RBFOX1: variants seen among roughly 807,000 people sequenced by gnomAD.
The protein encoded by RBFOX1 is RNA binding fox-1 homolog 1.
RBFOX1 carries 8 observed loss-of-function variants against 57.7 expected under a neutral mutation model. That is an observed-to-expected ratio of 0.14 (90% confidence interval 0.08 to 0.25). The LOEUF (loss-of-function observed/expected upper bound fraction) is 0.25, where lower values mean the gene tolerates loss of function less well. RBFOX1 is among the 10% of genes least tolerant of loss of function. The probability of loss-of-function intolerance (pLI) is 1.00; values close to 1 mark genes in which losing one functional copy is unlikely to be tolerated. For missense variants in RBFOX1, 611 were observed against 548.5 expected (o/e 1.11, Z -1.14); for synonymous variants, 326 against 222.4 (o/e 1.47, Z -4.15).
chr16:5,902,004 A>T (rs1340553375), intron 4 of RBFOX1, among the ~76,000 whole-genome samples: 1 of 152,080 alleles, frequency 6.6e-6, no homozygotes, highest in Non-Finnish European at 1.5e-5. Flanking sequence ...GTAACTTCCC[A>T]TTATTACTCA....
At chr16:6,060,398 C>T (rs965925635) in intron 1 of RBFOX1, among the ~76,000 whole-genome samples, 3 of 152,062 alleles carry the variant, frequency 2.0e-5, no homozygotes, top group African/African-American at 7.2e-5. Context: ...GCCTAGCACA[C>T]AGTAAATGTT....
At chr16:5,957,753 A>G (rs74006521) in intron 4 of RBFOX1, among the ~76,000 whole-genome samples, 2,133 of 152,312 alleles carry the variant, frequency 0.014, 43 homozygotes, top group African/African-American at 0.048. Context: ...GCAATGTACC[A>G]CAGTCACATC....
intron 2 of RBFOX1, among the ~76,000 whole-genome samples, chr16:6,377,370 T>C (rs142288040): frequency 6.6e-5 from 10 of 152,212 alleles, no homozygotes; most frequent in African/African-American, 1.7e-4. Context: ...ATTACATCTA[T>C]AAAGACCCTA....
chr16:5,439,410 G>T (rs909573334), intron 1 of RBFOX1, among the ~76,000 whole-genome samples: 1 of 152,098 alleles, frequency 6.6e-6, no homozygotes, highest in African/African-American at 2.4e-5. Context: ...GGTAGAAAAC[G>T]CATCATGGGG....
intron 5 of RBFOX1, among the ~76,000 whole-genome samples, chr16:7,546,027 A>AAG (rs201712195): frequency 0.13 from 19,462 of 150,480 alleles, 1,342 homozygotes; most frequent in African/African-American, 0.18. Flanking sequence ...AAAAAAAAAA[A>AAG]AAAGAAAAAG....
At chr16:5,329,622 G>A (rs1168154692) in intron 1 of RBFOX1, among the ~76,000 whole-genome samples, 1 of 152,202 alleles carries the variant, frequency 6.6e-6, no homozygotes, top group African/African-American at 2.4e-5. Flanking sequence ...TGTTTGGACT[G>A]TTATAACAAA....
At chr16:6,955,061 T>C (rs1250511335) in intron 3 of RBFOX1, among the ~76,000 whole-genome samples, 1 of 125,086 alleles carries the variant, frequency 8.0e-6, no homozygotes, top group Non-Finnish European at 1.7e-5. Context: ...GGAAACCCCA[T>C]CTCTACAAAA....
chr16:5,926,253 T>G (rs2058938423), intron 4 of RBFOX1, among the ~76,000 whole-genome samples: 1 of 152,214 alleles, frequency 6.6e-6, no homozygotes, highest in Admixed American at 6.5e-5. Context: ...CAGGTCTATC[T>G]GAGTCTCCTG....
intron 3 of RBFOX1, among the ~76,000 whole-genome samples, chr16:6,950,253 C>A (rs566199029): frequency 6.6e-6 from 1 of 151,884 alleles, no homozygotes; most frequent in Non-Finnish European, 1.5e-5. Flanking sequence ...CCACCATGTC[C>A]GGCCAGCACA....
intron 1 of RBFOX1, among the ~76,000 whole-genome samples, chr16:5,314,443 G>T (rs775989346): frequency 1.3e-5 from 2 of 152,222 alleles, no homozygotes; most frequent in African/African-American, 4.8e-5. Context: ...AGGGCTGACC[G>T]CTTCACTAGG....
chr16:7,452,529 A>C (rs1018078525), intron 4 of RBFOX1, among the ~76,000 whole-genome samples: 1 of 152,302 alleles, frequency 6.6e-6, no homozygotes. Flanking sequence ...AAAATAAATA[A>C]ATGATCAATG....
chr16:7,532,993 C>G (rs1157698198), intron 5 of RBFOX1, among the ~76,000 whole-genome samples: 1 of 152,188 alleles, frequency 6.6e-6, no homozygotes, highest in Non-Finnish European at 1.5e-5. Flanking sequence ...GAAGTTTTCA[C>G]AAAATAAGCT....
rs3029164 is a variant in RBFOX1, at chr16:7,589,912, G to GGTGTGTGTGTGTGTGTGTGT, written c.468+2633_468+2652dup. Among the ~76,000 whole-genome samples the GGTGTGTGTGTGTGTGTGTGT allele has an allele frequency of 2.2e-3, 295 of 135,042 alleles. 4 individuals are homozygous for GGTGTGTGTGTGTGTGTGTGT. The highest frequency in any genetic ancestry group is 3.2e-3 in the African/African-American group (117 of 36,568). 88.6% of individuals were successfully genotyped at this position (135,042 alleles called of 152,430 possible). ...TCAATGCTGAAGGCTGTGTGTGCTG[G>GGTGTGTGTGTGTGTGTGTGT]GTGTGTGTGTGTGTGTGTGTGTGTG... On this transcript the variant is annotated intron_variant, in intron 7 of 15. Transcript: ENST00000550418.
chr16:6,956,235 A>C (rs1262605394), intron 3 of RBFOX1, among the ~76,000 whole-genome samples: 2 of 152,174 alleles, frequency 1.3e-5, no homozygotes, highest in Non-Finnish European at 2.9e-5. Context: ...GCAGAGGAGA[A>C]GGACTTTGCT....
chr16:7,129,285 A>G (rs1006507497), intron 4 of RBFOX1, among the ~76,000 whole-genome samples: 1 of 152,128 alleles, frequency 6.6e-6, no homozygotes, highest in African/African-American at 2.4e-5. Context: ...TTGGCCAGGA[A>G]AACAAAGTGT....
rs140249212 is a variant in RBFOX1 at position 5,834,776 on chromosome 16, T to TGATAGATA, written c.319-32488_319-32481dup. Among the ~76,000 whole-genome samples, 430 of 147,772 alleles carry TGATAGATA rather than the reference T, an allele frequency of 2.9e-3. 1 individual carries two copies. Among genetic ancestry groups the TGATAGATA allele is most frequent in the Middle Eastern group, 0.01 (3 of 292 alleles). On this transcript the variant is annotated intron_variant, in intron 3 of 19. Coordinates refer to the RBFOX1 transcript ENST00000641259. Reference sequence around the variant, plus strand: ...ATACATACATACATACATGCACAGATGATAGATAGATAGATAGATAGATAG... The same window carrying TGATAGATA: ...ATACATACATACATACATGCACAGATGATAGATAGATAGATAGATAGATAGATAGATAG...
chr16:6,062,621 T>TATAATATATAACATAACATATA (rs6145734), intron 1 of RBFOX1, among the ~76,000 whole-genome samples: 1 of 147,712 alleles, frequency 6.8e-6, no homozygotes, highest in African/African-American at 2.5e-5. Context: ...AATATATAAA[T>TATAATATATAACATAACATATA]ATATATAACA....
chr16:7,104,214 C>G (rs1387412228), intron 4 of RBFOX1, among the ~76,000 whole-genome samples: 3 of 152,120 alleles, frequency 2.0e-5, no homozygotes, highest in East Asian at 1.9e-4. Flanking sequence ...CTGTCTGGAA[C>G]TACTGAAAAC....
At chr16:6,320,069 T>C (rs1408517093) in intron 2 of RBFOX1, among the ~76,000 whole-genome samples, 2 of 152,104 alleles carry the variant, frequency 1.3e-5, no homozygotes, top group Non-Finnish European at 2.9e-5. Flanking sequence ...CTTAATATAA[T>C]TGGCTTTGGT....
Sources: allele counts gnomAD v4.1 joint callset (sites outside exome capture counted in the v4.1 genomes callset), GRCh38; gene constraint gnomAD v4.1.1; transcripts MANE v1.5; gene names NCBI Gene and HGNC (gene_info 2026-07-23, HGNC 2026-07-21).